Variants in DPM1 observed in about 807,000 individuals in gnomAD.
DPM1 encodes dolichol-phosphate mannosyltransferase subunit 1.
DPM1 carries 27 observed loss-of-function variants against 39.0 expected under a neutral mutation model. The ratio of observed to expected loss-of-function variants is 0.69; its 90% CI spans 0.51 to 0.95. DPM1 has a LOEUF of 0.95. Ranked by LOEUF, DPM1 falls within the 40% of genes least tolerant of loss-of-function variation. DPM1 has a pLI of 0.00. For synonymous variants in DPM1, 124 were observed against 109.0 expected, an observed-to-expected ratio of 1.14 and a Z score of -0.86; for missense variants, 307 against 315.6, an observed-to-expected ratio of 0.97 and a Z score of 0.21.
intron 2 of DPM1, among the ~76,000 whole-genome samples, chr20:50,951,744 T>C (rs1568771963): frequency 6.6e-6 from 1 of 151,690 alleles, no homozygotes; most frequent in Non-Finnish European, 1.5e-5. Context: ...GCTGAGATCT[T>C]GCCATTGCAC....
chr20:50,941,081 A>C (rs1019553147), intron 6 of DPM1, 148 bp from the exon 7 acceptor site: 2 of 941,320 alleles, frequency 2.1e-6, no homozygotes, highest in Non-Finnish European at 3.2e-6. Context: ...ACAAAATAGA[A>C]ATTTTTAGTC....
At chr20:50,935,925 A>ATTGAGAAAGT (rs1985118485) in intron 8 of DPM1, among the ~76,000 whole-genome samples, 1 of 152,252 alleles carries the variant, frequency 6.6e-6, no homozygotes, top group Admixed American at 6.5e-5. Flanking sequence ...AAGTACCAGG[A>ATTGAGAAAGT]ACTTTTAATT....
chr20:50,935,187 C>T lies in DPM1; in HGVS notation c.728G>A (p.Gly243Glu). 4 of 1,610,930 alleles carry T rather than the reference C, an allele frequency of 2.5e-6. No homozygotes were observed. Among genetic ancestry groups the T allele is most frequent in the Non-Finnish European group, 3.4e-6 (4 of 1,177,768 alleles). The change falls in exon 9 of 9, where the codon GGA (glycine) becomes GAA (glutamate). Residue 243 changes from glycine to glutamate, a missense_variant. Physicochemically the swap from Gly to Glu is moderately conservative, Grantham distance 98 (BLOSUM62 -2). Around this residue, in one of 3 missense-constraint regions of DPM1, gnomAD observed 70 missense variants for 69.4 expected, o/e 1.01. Transcript: ENST00000371588. ...TTTCAAGAAAGATACTATTTCATTT[C>T]CTCCCAACTTGGATTCACCATAAAC... is the stretch of plus-strand genomic sequence containing the variant. ...DRVYGESKLG[G>E]NEIVSFLKGL...
intron 7 of DPM1, among the ~76,000 whole-genome samples, chr20:50,937,814 TA>T: frequency 6.6e-6 from 1 of 151,422 alleles, no homozygotes; most frequent in African/African-American, 2.4e-5. Flanking sequence ...GAATAACTTT[TA>T]AAGTTATTAT....
rs1568759134 is a variant in DPM1 at position 50,937,839 on chromosome 20, TTTA to T, written c.564-1580_564-1578del. Among the ~76,000 whole-genome samples, 14 of 152,028 alleles carry T rather than the reference TTTA, an allele frequency of 9.2e-5. No individual in the cohort carries two copies. In the South Asian group the frequency reaches 2.5e-3, roughly 27 times the overall value. Reference sequence around the variant, plus strand: ...TAAAGTTATTATTATTATTATTATTTTTATTTTTTTAGTTTTTGTAGAGACGGA... The same window carrying T: ...TAAAGTTATTATTATTATTATTATTTTTTTTTTAGTTTTTGTAGAGACGGA... On this transcript the variant is annotated intron_variant, in intron 7 of 8. Coordinates refer to ENST00000371588, the MANE Select transcript of DPM1 (RefSeq NM_003859.3).
In DPM1 at chr20:50,934,920, T is replaced by C. The variant is rs1437984274; in HGVS notation, c.*212A>G. On this transcript the variant is annotated 3_prime_UTR_variant, in exon 9 of 9. Transcript: ENST00000371588. ...ATTTATAGGTCTCAATACAGCAAAA[T>C]GAAAACGAAAATTGAGAACATTGCT... The C allele has an allele frequency of 1.1e-5, 5 of 462,748 alleles. No homozygotes were observed. The highest frequency in any genetic ancestry group is 3.9e-5 in the Admixed American group (1 of 25,452). The allele number at this position is 462,748 out of a possible 1,614,324, so 28.7% of individuals were successfully genotyped here. A position where few individuals can be genotyped will look rare whatever the true frequency, so the allele number is the denominator to read the frequency against.
At chr20:50,956,963 A>G (rs1364943996) in intron 1 of DPM1, among the ~76,000 whole-genome samples, 1 of 152,166 alleles carries the variant, frequency 6.6e-6, no homozygotes, top group Non-Finnish European at 1.5e-5. Context: ...TAAAAGATTG[A>G]TTCACAAACC....
intron 3 of DPM1, among the ~76,000 whole-genome samples, chr20:50,947,680 G>A (rs1296238373): frequency 1.3e-5 from 2 of 152,196 alleles, no homozygotes; most frequent in African/African-American, 4.8e-5. Context: ...CTAGGCTGGA[G>A]TGCAGTGGTG....
chr20:50,957,187 G>A (rs1986871551), intron 1 of DPM1, among the ~76,000 whole-genome samples: 1 of 152,156 alleles, frequency 6.6e-6, no homozygotes, highest in Admixed American at 6.5e-5. Flanking sequence ...GTTATTCAAG[G>A]AAATACAATC....
intron 3 of DPM1, among the ~76,000 whole-genome samples, chr20:50,946,487 A>G (rs1986292689): frequency 6.6e-6 from 1 of 152,242 alleles, no homozygotes; most frequent in South Asian, 2.1e-4. Context: ...TTTAACCATA[A>G]CTTCTAAACT....
rs1986256273 is a variant in DPM1, at chr20:50,945,893, G to A, written c.326C>T (p.Ala109Val). 4 of 1,613,580 alleles carry A rather than the reference G, an allele frequency of 2.5e-6. No homozygotes were observed. The highest frequency in any genetic ancestry group is 2.5e-6 in the Non-Finnish European group (3 of 1,179,746). Residue 109 changes from alanine to valine, a missense_variant, in exon 4 of 9, where the codon GCC becomes GTC. Physicochemically the swap from Ala to Val is moderately conservative, Grantham distance 64. Coordinates refer to ENST00000371588, the MANE Select transcript of DPM1 (RefSeq NM_003859.3). Reference sequence around the variant, plus strand: ...CATAATAATGATGTAGTTTCCTGTGGCATGTTTCATTCCATGAATATATGC... The same window carrying A: ...CATAATAATGATGTAGTTTCCTGTGACATGTTTCATTCCATGAATATATGC... ...GTAYIHGMKH[A>V]TGNYIIIMDA...
Position 50,936,267 on chromosome 20 carries a change from A to G in DPM1, c.564-5T>C. 6.4e-7 allele frequency: 1 copy of G among 1,553,716 alleles called. No homozygotes were observed. Among genetic ancestry groups the G allele is most frequent in the Non-Finnish European group, 8.9e-7 (1 of 1,127,194 alleles). On this transcript the variant is annotated splice_region_variant and splice_polypyrimidine_tract_variant and intron_variant, in intron 7 of 8. Transcript: ENST00000371588. ...AGAACTTCTTTTCGGTATAATCTGTAAGAAATTAAAAATATATATCAACTT... is the reference window on the plus strand; with the variant it reads ...AGAACTTCTTTTCGGTATAATCTGTGAGAAATTAAAAATATATATCAACTT...
chr20:50,936,675 T>A (rs1985185743), intron 7 of DPM1, among the ~76,000 whole-genome samples: 1 of 152,212 alleles, frequency 6.6e-6, no homozygotes, highest in African/African-American at 2.4e-5. Flanking sequence ...ATATGTTAGA[T>A]GACAAGAAAG....
In DPM1 at chr20:50,940,922, T is replaced by C. The variant is rs727503905; in HGVS notation, c.506A>G (p.Asn169Ser). 8 of 1,613,782 alleles carry C rather than the reference T, an allele frequency of 5.0e-6. No individual in the cohort carries two copies. Among genetic ancestry groups the C allele is most frequent in the Non-Finnish European group, 5.9e-6 (7 of 1,179,958 alleles). ...TCTCAGCAAGATCTGAGTTAAAAAA[T>C]TGGCCCCACGGCTGCCAAATAAAAC... is the stretch of plus-strand genomic sequence containing the variant. ...LKRKIISRGA[N>S]FLTQILLRPG... Residue 169 changes from asparagine to serine, a missense_variant, in exon 7 of 9, where the codon AAT becomes AGT. Physicochemically the swap from Asn to Ser is conservative, Grantham distance 46. Coordinates refer to ENST00000371588, the MANE Select transcript of DPM1 (RefSeq NM_003859.3).
At chr20:50,946,999 G>A (rs1601046357) in intron 3 of DPM1, among the ~76,000 whole-genome samples, 3 of 152,062 alleles carry the variant, frequency 2.0e-5, no homozygotes, top group Non-Finnish European at 4.4e-5. Context: ...ATCTGAGGTC[G>A]GGAATTCGAG....
chr20:50,945,284 TTGTGTGTGTGTGTGTG>T (rs11474633), intron 5 of DPM1: 25 of 156,982 alleles, frequency 1.6e-4, no homozygotes, highest in East Asian at 5.4e-4. Context: ...CAAATGTGTG[TTGTGTGTGTGTGTGTG>T]TGTGTGTGTG....
At position 50,955,170 on chromosome 20, in the gene DPM1, T is replaced by A. The variant is rs1197660486; in HGVS notation, c.261+16A>T. ...AATCACAATTCATATCACAGAAAAA[T>A]GTTCTTATAACTTACAATTCTGTCT... On this transcript the variant is annotated intron_variant, in intron 2 of 8. Coordinates refer to ENST00000371588, the MANE Select transcript of DPM1 (RefSeq NM_003859.3). The A allele has an allele frequency of 6.4e-7, 1 of 1,573,050 alleles. No homozygotes were observed. The highest frequency in any genetic ancestry group is 8.7e-7 in the Non-Finnish European group (1 of 1,144,202).
At chr20:50,953,835 C>G (rs1455804353) in intron 2 of DPM1, among the ~76,000 whole-genome samples, 2 of 152,130 alleles carry the variant, frequency 1.3e-5, no homozygotes, top group African/African-American at 4.8e-5. Flanking sequence ...AATCAGTGGC[C>G]TTCACCCTGG....
At chr20:50,948,902 C>T (rs186097426) in intron 2 of DPM1, among the ~76,000 whole-genome samples, 2 of 151,958 alleles carry the variant, frequency 1.3e-5, no homozygotes, top group Non-Finnish European at 2.9e-5. Flanking sequence ...GCTCTGTTGC[C>T]TAGGCTGGAG....
Sources: allele counts gnomAD v4.1 joint callset (sites outside exome capture counted in the v4.1 genomes callset), GRCh38; gene constraint gnomAD v4.1.1; regional missense constraint gnomAD v4.1.1; transcripts MANE v1.5; gene names NCBI Gene and HGNC (gene_info 2026-07-23, HGNC 2026-07-21).